CAPN14: variants seen among roughly 807,000 people sequenced by gnomAD.
CAPN14 encodes calpain 14, also known as calpain-14.
CAPN14 carries 94 observed loss-of-function variants against 101.3 expected under a neutral mutation model. The ratio of observed to expected loss-of-function variants is 0.93; its 90% CI spans 0.79 to 1.10. The LOEUF is 1.10. Ranked by LOEUF, CAPN14 falls within the 50% of genes least tolerant of loss-of-function variation. The pLI is 0.00. For synonymous variants in CAPN14, 338 were observed against 317.9 expected (o/e 1.06, Z -0.67); for missense variants, 837 against 828.4 (o/e 1.01, Z -0.13).
chr2:31,206,777 T>C (rs1019947560), intron 1 of CAPN14, among the ~76,000 whole-genome samples: 4 of 152,236 alleles, frequency 2.6e-5, no homozygotes, highest in African/African-American at 9.6e-5. Flanking sequence ...AATATAGTTT[T>C]TCATTTTACA....
intron 2 of CAPN14, among the ~76,000 whole-genome samples, chr2:31,204,384 A>C (rs1238427507): frequency 5.3e-5 from 8 of 152,186 alleles, no homozygotes; most frequent in Non-Finnish European, 8.8e-5. Flanking sequence ...TAGAGTGATA[A>C]GAGTGTCCTT....
rs1303765515 is a variant in CAPN14 at position 31,189,383 on chromosome 2, A to G, written c.1383T>C (p.Ser461=). The change falls in exon 13 of 22, where the codon AGT becomes AGC. Residue 461 remains serine, a synonymous_variant. Transcript: ENST00000403897. ...TCCCTGGTTCCAGACACAGCTCCTG[A>G]CTCACTTCTTTCTCCTTGAGAAACC... The part of the protein sequence containing the change: ...PDRFLKEKEV[S]QELCLEPGTY... The G allele has an allele frequency of 6.4e-6, 10 of 1,551,520 alleles. No homozygotes were observed. Among genetic ancestry groups the G allele is most frequent in the Non-Finnish European group, 8.7e-6 (10 of 1,146,990 alleles).
At chr2:31,193,105 A>T in intron 10 of CAPN14, 26 bp downstream of exon 10, 1 of 1,538,792 alleles carries the variant, frequency 6.5e-7, no homozygotes, top group Non-Finnish European at 8.8e-7. Context: ...TCACCCTGAG[A>T]GCCCTGCTCC....
chr2:31,190,922 T>G (rs1681146242), intron 12 of CAPN14, among the ~76,000 whole-genome samples: 1 of 152,188 alleles, frequency 6.6e-6, no homozygotes, highest in African/African-American at 2.4e-5. Context: ...GGAGGTGTTC[T>G]TGTCCCTCTG....
intron 1 of CAPN14, among the ~76,000 whole-genome samples, chr2:31,228,567 G>A (rs6750820): frequency 0.25 from 38,465 of 152,038 alleles, 5,139 homozygotes; most frequent in East Asian, 0.46. Flanking sequence ...CTTATTAGGT[G>A]CCAGCATATT....
upstream of CAPN14, among the ~76,000 whole-genome samples, chr2:31,221,019 CT>C (rs1682847448): frequency 6.6e-6 from 1 of 151,996 alleles, no homozygotes; most frequent in African/African-American, 2.4e-5. Context: ...TAAAAAGAGG[CT>C]TTGTGGGGTA....
chr2:31,196,291 C>T (rs764419552), intron 8 of CAPN14, among the ~76,000 whole-genome samples: 1 of 152,168 alleles, frequency 6.6e-6, no homozygotes, highest in Non-Finnish European at 1.5e-5. Flanking sequence ...TTGTACCCAT[C>T]ATCTATCTCT....
At chr2:31,209,546 C>A (rs1162481024) in intron 1 of CAPN14, among the ~76,000 whole-genome samples, 1 of 152,144 alleles carries the variant, frequency 6.6e-6, no homozygotes. Flanking sequence ...ACTCCAAACC[C>A]CAATCCCTGT....
chr2:31,202,161 C>T lies in CAPN14; in HGVS notation c.387G>A (p.Glu129=). The T allele has an allele frequency of 6.4e-7, 1 of 1,551,926 alleles. No individual in the cohort carries two copies. The change falls in exon 4 of 22, where the codon GAG becomes GAA. Residue 129 remains glutamate (E), a synonymous_variant. Coordinates refer to ENST00000403897, the MANE Select transcript of CAPN14 (RefSeq NM_001145122.2). ...AGAACCGGAAGATGCCAGCATACTT[C>T]TCAGTGAAACTCTGATTCAGGGGAA... is the stretch of plus-strand genomic sequence containing the variant. ...RVVPLNQSFT[E]KYAGIFRFWF...
chr2:31,181,004 T>G lies in CAPN14; in HGVS notation c.1646-4A>C. On this transcript the variant is annotated splice_region_variant and splice_polypyrimidine_tract_variant and intron_variant, in intron 16 of 21. Transcript: ENST00000403897. The stretch of plus-strand genomic sequence containing the variant: ...AAGGGCTGTCTGCTCCCCAGACCTG[T>G]GAAGGAGCGAAAGAGTCCACATGGG... 1 of 1,551,520 alleles carries G rather than the reference T, an allele frequency of 6.4e-7. No homozygotes were observed. The highest frequency in any genetic ancestry group is 8.7e-7 in the Non-Finnish European group (1 of 1,146,868).
chr2:31,215,615 G>A (rs1242748212), intron 1 of CAPN14, among the ~76,000 whole-genome samples: 2 of 151,928 alleles, frequency 1.3e-5, no homozygotes, highest in African/African-American at 4.8e-5. Context: ...AGCCTTCCCT[G>A]GAAACCTCTT....
intron 3 of CAPN14, among the ~76,000 whole-genome samples, chr2:31,202,581 G>A (rs1681850537): frequency 6.6e-6 from 1 of 152,138 alleles, no homozygotes; most frequent in Non-Finnish European, 1.5e-5. Flanking sequence ...ACTGATTTAT[G>A]TTCTTCTGGG....
At chr2:31,200,421 G>T (rs1185732462) in intron 6 of CAPN14, 30 bp downstream of exon 6, 12 of 1,535,216 alleles carry the variant, frequency 7.8e-6, no homozygotes, top group Non-Finnish European at 9.7e-6. Flanking sequence ...AGGAGAAGAG[G>T]ACATTCTGCC....
chr2:31,222,311 G>A (rs1682882982), upstream of CAPN14, among the ~76,000 whole-genome samples: 1 of 152,114 alleles, frequency 6.6e-6, no homozygotes, highest in South Asian at 2.1e-4. Flanking sequence ...AGTCGCTTAG[G>A]TGGCCTTCAT....
chr2:31,192,067 C>G lies in CAPN14; in HGVS notation c.1146G>C (p.Leu382=), dbSNP rs1681218781. 1.9e-6 allele frequency: 3 copies of G among 1,550,526 alleles called. No homozygotes were observed. The highest frequency in any genetic ancestry group is 4.9e-5 in the East Asian group (2 of 40,930). ...TGCCCTCCTCGGGCCTCCAGACAGA[C>G]AGCAGGAACTGCGGGTTCTTCCAAA... ...DTFWKNPQFL[L]SVWRPEEGRR... The change falls in exon 11 of 22, where the codon CTG becomes CTC. Residue 382 remains leucine, a synonymous_variant. Coordinates refer to ENST00000403897, the MANE Select transcript of CAPN14 (RefSeq NM_001145122.2).
intron 1 of CAPN14, among the ~76,000 whole-genome samples, chr2:31,207,207 G>A (rs2148695445): frequency 6.6e-6 from 1 of 152,222 alleles, no homozygotes; most frequent in Middle Eastern, 3.4e-3. Context: ...CTCTCCATTT[G>A]TCAAGGTCCT....
intron 18 of CAPN14, among the ~76,000 whole-genome samples, chr2:31,178,082 T>G (rs1680403037): frequency 6.6e-6 from 1 of 152,216 alleles, no homozygotes; most frequent in Non-Finnish European, 1.5e-5. Context: ...TGGGTAAATG[T>G]GCTTAGTGCA....
intron 1 of CAPN14, chr2:31,228,553 CTAACT>C (rs1402803862): frequency 6.6e-6 from 1 of 152,200 alleles, no homozygotes. Flanking sequence ...AAGTTGCTCA[CTAACT>C]TATTAGGTGC....
Position 31,193,234 on chromosome 2 carries a change from T to TG in CAPN14, c.1010dup (p.Gly338ArgfsTer89). Reference sequence around the variant, plus strand: ...GGGCCGCCTCCTGGCTCAACAGGCCTGGGGTCAGTTTACAGATAACCAGGA... The same window carrying TG: ...GGGCCGCCTCCTGGCTCAACAGGCCTGGGGGTCAGTTTACAGATAACCAGGA... On this transcript the variant is annotated frameshift_variant, in exon 10 of 22. Coordinates refer to ENST00000403897, the MANE Select transcript of CAPN14 (RefSeq NM_001145122.2). LOFTEE classifies it high-confidence loss of function. The TG allele has an allele frequency of 1.3e-6, 2 of 1,551,766 alleles. No homozygotes were observed. The highest frequency in any genetic ancestry group is 4.9e-5 in the East Asian group (2 of 40,918).
Sources: gnomAD v4.1 joint callset for allele counts (sites outside exome capture counted in the v4.1 genomes callset) on GRCh38, gnomAD v4.1.1 for gene constraint, MANE v1.5 for transcripts, NCBI Gene and HGNC (gene_info 2026-07-23, HGNC 2026-07-21) for gene names.